The following POU2F2 variants were observed in gnomAD, a reference collection of about 807,000 sequenced individuals.
POU2F2 encodes the protein POU class 2 homeobox 2.
POU2F2 carries 14 observed loss-of-function variants against 63.5 expected under a neutral mutation model. The observed-to-expected ratio is 0.22, with a 90% CI of 0.15 to 0.34. The LOEUF (loss-of-function observed/expected upper bound fraction) is 0.34. Ranked by LOEUF, POU2F2 falls within the 10% of genes least tolerant of loss-of-function variation. The pLI, the probability that POU2F2 is intolerant of heterozygous loss-of-function variation, is 1.00. For missense variants in POU2F2, 607 were observed against 815.2 expected (o/e 0.74, Z 3.11); for synonymous variants, 306 against 348.6 (o/e 0.88, Z 1.36).
At chr19:42,188,366 CAA>C (rs769784431) in intron 1 of POU2F2, among the ~76,000 whole-genome samples, 17 of 100,326 alleles carry the variant, frequency 1.7e-4, no homozygotes, top group Admixed American at 2.2e-4. Context: ...ACCTTGTCTC[CAA>C]AAAAAAAAAA....
At chr19:42,115,322 T>C (rs984855534) in intron 5 of POU2F2, among the ~76,000 whole-genome samples, 1 of 152,148 alleles carries the variant, frequency 6.6e-6, no homozygotes. Context: ...CGGGCCATTA[T>C]TGGGGTGAAC....
At chr19:42,130,438 C>G (rs2033607511) in intron 1 of POU2F2, among the ~76,000 whole-genome samples, 1 of 152,118 alleles carries the variant, frequency 6.6e-6, no homozygotes, top group African/African-American at 2.4e-5. Context: ...CACAGCCACA[C>G]AGTGTATTAA....
At chr19:42,113,390 T>G (rs570724146) in intron 5 of POU2F2, among the ~76,000 whole-genome samples, 4 of 152,136 alleles carry the variant, frequency 2.6e-5, no homozygotes, top group Non-Finnish European at 5.9e-5. Flanking sequence ...CACTGAGCAA[T>G]GGACAGACAA....
At chr19:42,108,541 C>G (rs1339242280) in intron 5 of POU2F2, among the ~76,000 whole-genome samples, 1 of 151,980 alleles carries the variant, frequency 6.6e-6, no homozygotes, top group Non-Finnish European at 1.5e-5. Context: ...CGCCACTGCA[C>G]TCCAGCTTGG....
chr19:42,103,627 C>CTTTT (rs1001669920), intron 5 of POU2F2, among the ~76,000 whole-genome samples: 125 of 100,536 alleles, frequency 1.2e-3, no homozygotes, highest in Non-Finnish European at 1.4e-3. Context: ...GGGCTCGTTT[C>CTTTT]TTTTTTTTTT....
At chr19:42,183,995 A>AGT (rs2034989238) in intron 1 of POU2F2, among the ~76,000 whole-genome samples, 1 of 125,782 alleles carries the variant, frequency 8.0e-6, no homozygotes, top group African/African-American at 3.0e-5. Context: ...ACGACTGGGG[A>AGT]TTTTTTTTTT....
At chr19:42,093,011 T>TATATATATATA (rs2076787782) in intron 12 of POU2F2, among the ~76,000 whole-genome samples, 1 of 93,014 alleles carries the variant, frequency 1.1e-5, no homozygotes, top group African/African-American at 4.7e-5. Context: ...ATATATATAT[T>TATATATATATA]TTTTTTTTTT....
chr19:42,144,461 A>C (rs1372039167), intron 2 of POU2F2, among the ~76,000 whole-genome samples: 1 of 152,206 alleles, frequency 6.6e-6, no homozygotes, highest in African/African-American at 2.4e-5. Context: ...ACTCCTGCTC[A>C]GCCTGGGCAA....
At chr19:42,114,468 T>G (rs932327286) in intron 5 of POU2F2, among the ~76,000 whole-genome samples, 64 of 151,974 alleles carry the variant, frequency 4.2e-4, no homozygotes, top group African/African-American at 1.5e-3. Flanking sequence ...GCAGGGCCAC[T>G]GAGATGCAAA....
chr19:42,123,724 G>A (rs540570300), intron 1 of POU2F2, among the ~76,000 whole-genome samples: 25 of 152,042 alleles, frequency 1.6e-4, no homozygotes, highest in African/African-American at 5.3e-4. Context: ...CAGTTCCCTC[G>A]CCCAAGCTCA....
At chr19:42,102,417 A>G (rs548586687) in intron 5 of POU2F2, among the ~76,000 whole-genome samples, 1 of 152,266 alleles carries the variant, frequency 6.6e-6, no homozygotes, top group African/African-American at 2.4e-5. Flanking sequence ...CTGTATACCT[A>G]TGATTTGTGC....
chr19:42,197,527 A>G (rs1250696957), upstream of POU2F2, among the ~76,000 whole-genome samples: 2 of 152,228 alleles, frequency 1.3e-5, no homozygotes, highest in East Asian at 3.9e-4. Flanking sequence ...TCCCTGCAAG[A>G]AAGGCAGCCT....
intron 1 of POU2F2, among the ~76,000 whole-genome samples, chr19:42,184,331 A>G (rs2034992568): frequency 6.6e-6 from 1 of 152,146 alleles, no homozygotes; most frequent in Admixed American, 6.5e-5. Context: ...TCTGCCCCAC[A>G]GAAAGGTCTC....
chr19:42,134,815 G>A (rs759098955), upstream of POU2F2, among the ~76,000 whole-genome samples: 1 of 152,124 alleles, frequency 6.6e-6, no homozygotes, highest in Non-Finnish European at 1.5e-5. Flanking sequence ...CCATTGCTCC[G>A]CTCATATTTC....
chr19:42,120,555 G>A (rs1453130953), intron 4 of POU2F2, among the ~76,000 whole-genome samples: 1 of 152,104 alleles, frequency 6.6e-6, no homozygotes, highest in Admixed American at 6.6e-5. Context: ...TTTTTAATAA[G>A]CCTCTTTTTT....
Position 42,183,692 on chromosome 19 carries a change from G to A in POU2F2, c.-70+12691C>T, listed in dbSNP as rs146769057. Among the ~76,000 whole-genome samples, 313 of 152,272 alleles carry A rather than the reference G, an allele frequency of 2.1e-3. 3 individuals carry two copies. The highest frequency in any genetic ancestry group is 7.2e-3 in the African/African-American group (299 of 41,550). On this transcript the variant is annotated intron_variant, in intron 1 of 5. Coordinates refer to the POU2F2 transcript ENST00000532176. ...TATGGGAGCCAAGAGGAGGTGGATG[G>A]GGCAGTGACGGAAGGCTTCTGAGAA... is the stretch of plus-strand genomic sequence containing the variant.
At chr19:42,141,473 CTTTTTTTTT>C (rs58221767) in intron 2 of POU2F2, among the ~76,000 whole-genome samples, 2 of 98,976 alleles carry the variant, frequency 2.0e-5, no homozygotes, top group South Asian at 3.5e-4. Context: ...CTTAATTAAT[CTTTTTTTTT>C]TTTTTTTTTT....
rs1191570792 is a variant in POU2F2, at chr19:42,095,094, T to A, written c.1197+192A>T. On this transcript the variant is annotated intron_variant, in intron 11 of 14. Transcript: ENST00000692977. This position sits in a 1 kb window ranked among gnomAD's most constrained non-coding sequence, Gnocchi z 7.1. ...CGGTGTGTATCTAGGGGTGCTTGTATCCCCCATGTAAGACCACAGTTCCCT... is the reference window on the plus strand; with the variant it reads ...CGGTGTGTATCTAGGGGTGCTTGTAACCCCCATGTAAGACCACAGTTCCCT... 6.6e-6 allele frequency among the ~76,000 whole-genome samples: 1 copy of A among 152,176 alleles called. No homozygotes were observed. The highest frequency in any genetic ancestry group is 1.9e-4 in the East Asian group (1 of 5,188).
intron 1 of POU2F2, chr19:42,123,039 T>A: frequency 6.5e-6 from 1 of 154,354 alleles, no homozygotes; most frequent in East Asian, 1.9e-4. Context: ...CTCAGAGATG[T>A]GATGGGGCTG....
Sources: allele counts gnomAD v4.1 joint callset (sites outside exome capture counted in the v4.1 genomes callset), GRCh38; gene constraint gnomAD v4.1.1; non-coding constraint Gnocchi (gnomAD v3.1); transcripts MANE v1.5; gene names NCBI Gene and HGNC (gene_info 2026-07-23, HGNC 2026-07-21).